APOB: variants seen among roughly 807,000 people sequenced by gnomAD.
APOB encodes the protein apolipoprotein B, also known as apolipoprotein B-100.
In APOB, 153 loss-of-function variants were observed where a neutral mutation model predicts 314.1. The ratio of observed to expected loss-of-function variants is 0.49; its 90% CI spans 0.43 to 0.56. The LOEUF (loss-of-function observed/expected upper bound fraction) is 0.56. Ranked by LOEUF, APOB falls within the 20% of genes least tolerant of loss-of-function variation. The pLI, the probability that APOB is intolerant of heterozygous loss-of-function variation, is 0.00. For missense variants in APOB, 5,430 were observed against 5,350.7 expected (o/e 1.01, Z -0.46); for synonymous variants, 2,087 against 2,036.4 (o/e 1.02, Z -0.67).
Position 21,013,317 on chromosome 2 carries a change from C to T in APOB, c.4059G>A (p.Leu1353=). The T allele has an allele frequency of 6.2e-7, 1 of 1,614,172 alleles. No homozygotes were observed. Among genetic ancestry groups the T allele is most frequent in the Non-Finnish European group, 8.5e-7 (1 of 1,180,042 alleles). ...PKLYQLQVPL[L]GVLDLSTNVY... ...CATTCGTGGAGAGGTCTAGAACACC[C>T]AGGAGAGGCACTTGCAGTTGATACA... Residue 1353 remains leucine (L), a synonymous_variant, in exon 25 of 29, where the codon CTG becomes CTA. Coordinates refer to ENST00000233242, the MANE Select transcript of APOB (RefSeq NM_000384.3).
chr2:21,023,689 C>T lies in APOB; in HGVS notation c.2440G>A (p.Gly814Arg). The change falls in exon 17 of 29, where the codon GGA becomes AGA. Residue 814 changes from glycine to arginine, a missense_variant. Around this residue, in one of 3 missense-constraint regions of APOB, gnomAD observed 2,085 missense variants for 2,079.7 expected, o/e 1.00. Coordinates refer to ENST00000233242, the MANE Select transcript of APOB (RefSeq NM_000384.3). ...RTLQGIPQMI[G>R]EVIRKGSKND... ...TTTGAGCCCTTCCTGATGACCTCTC[C>T]AATCTGTAGACCCAACAAGGGAGAG... is the stretch of plus-strand genomic sequence containing the variant. 1 of 1,609,146 alleles carries T rather than the reference C, an allele frequency of 6.2e-7. No homozygotes were observed. Among genetic ancestry groups the T allele is most frequent in the Non-Finnish European group, 8.5e-7 (1 of 1,176,244 alleles).
In APOB at chr2:21,012,616, ACGTATT is replaced by A. The variant is rs767878127; in HGVS notation, c.4246_4251del (p.Asn1416_Thr1417del). 1.2e-5 allele frequency: 19 copies of A among 1,612,638 alleles called. No homozygotes were observed. Among genetic ancestry groups the A allele is most frequent in the Non-Finnish European group, 1.6e-5 (19 of 1,179,126 alleles). On this transcript the variant is annotated inframe_deletion, in exon 26 of 29. Coordinates refer to ENST00000233242, the MANE Select transcript of APOB (RefSeq NM_000384.3). ...AGAGACCCATCACATGATAGTGTGA[ACGTATT>A]CTTGTGGTCATATGTTGTTTCTCCA...
chr2:21,027,803 A>C (rs1343357114), intron 14 of APOB, 25 bp downstream of exon 14: 1 of 1,564,210 alleles, frequency 6.4e-7, no homozygotes. Context: ...AATGGGCTAG[A>C]GAACCTCAAA....
rs1663553610 is a variant in APOB at position 21,019,722 on chromosome 2, C to T, written c.2999+1G>A. 6.2e-7 allele frequency: 1 copy of T among 1,614,064 alleles called. No homozygotes were observed. Among genetic ancestry groups the T allele is most frequent in the Non-Finnish European group, 8.5e-7 (1 of 1,180,002 alleles). Reference sequence around the variant, plus strand: ...TGGGTCAGGCACTGAGCATCTCTAACCTGGTGTCCCCGGTCAGCGGATAGT... The same window carrying T: ...TGGGTCAGGCACTGAGCATCTCTAATCTGGTGTCCCCGGTCAGCGGATAGT... On this transcript the variant is annotated splice_donor_variant, in intron 19 of 28. Coordinates refer to ENST00000233242, the MANE Select transcript of APOB (RefSeq NM_000384.3). LOFTEE classifies it high-confidence loss of function.
In APOB at chr2:21,023,692, T is replaced by A. The variant is rs1439645172; in HGVS notation, c.2437A>T (p.Ile813Phe). Residue 813 changes from isoleucine to phenylalanine, a missense_variant and splice_region_variant, in exon 17 of 29, where the codon ATT (isoleucine) becomes TTT (phenylalanine). This residue lies in a region of APOB where 2,085 missense variants were observed against 2,079.7 expected (regional missense o/e 1.00). Transcript: ENST00000233242. ...GAGCCCTTCCTGATGACCTCTCCAA[T>A]CTGTAGACCCAACAAGGGAGAGCAA... is the stretch of plus-strand genomic sequence containing the variant. The part of the protein sequence containing the change: ...ARTLQGIPQM[I>F]GEVIRKGSKN... 6.2e-7 allele frequency: 1 copy of A among 1,604,078 alleles called. No homozygotes were observed. The highest frequency in any genetic ancestry group is 1.7e-5 in the Admixed American group (1 of 59,056).
In APOB at chr2:21,026,902, A is replaced by G; in HGVS notation, c.2130T>C (p.Phe710=). Residue 710 remains phenylalanine (F), a synonymous_variant, in exon 15 of 29, where the codon TTT becomes TTC. Transcript: ENST00000233242. The part of the protein sequence containing the change: ...TLEALFGKQG[F]FPDSVNKALY... Reference sequence around the variant, plus strand: ...AAGCTTTGTTGACACTGTCTGGGAAAAATCCTTGCTTCCCAAAAAGAGCTT... The same window carrying G: ...AAGCTTTGTTGACACTGTCTGGGAAGAATCCTTGCTTCCCAAAAAGAGCTT... 6.2e-7 allele frequency: 1 copy of G among 1,614,186 alleles called. No individual in the cohort carries two copies. The highest frequency in any genetic ancestry group is 8.5e-7 in the Non-Finnish European group (1 of 1,180,024).
rs560928668 is a variant in APOB at position 21,007,416 on chromosome 2, G to C, written c.9452C>G (p.Ser3151Cys). 2.5e-6 allele frequency: 4 copies of C among 1,613,952 alleles called. No individual in the cohort carries two copies. The highest frequency in any genetic ancestry group is 1.7e-5 in the Admixed American group (1 of 59,996). Reference sequence around the variant, plus strand: ...CTTCAAGCCTGTTTTTTCCCATAGAGAGAAATCTTTCAGTGGAGGAGTTGT... The same window carrying C: ...CTTCAAGCCTGTTTTTTCCCATAGACAGAAATCTTTCAGTGGAGGAGTTGT... ...IITTPPLKDF[S>C]LWEKTGLKEF... The change falls in exon 26 of 29, where the codon TCT becomes TGT. Residue 3151 changes from serine to cysteine, a missense_variant. Ser to Cys is a moderately radical substitution (Grantham distance 112). Around this residue, in one of 3 missense-constraint regions of APOB, gnomAD observed 3,281 missense variants for 3,171.0 expected, o/e 1.03. Coordinates refer to ENST00000233242, the MANE Select transcript of APOB (RefSeq NM_000384.3).
intron 3 of APOB, among the ~76,000 whole-genome samples, 168 bp from the exon 4 acceptor site, chr2:21,041,251 C>T (rs1664126384): frequency 6.6e-6 from 1 of 152,246 alleles, no homozygotes; most frequent in Non-Finnish European, 1.5e-5. Context: ...CCTGGGTTCT[C>T]TGTGCACCAA....
Position 21,010,928 on chromosome 2 carries a change from G to A in APOB, c.5940C>T (p.Thr1980=). The A allele has an allele frequency of 1.2e-6, 2 of 1,614,084 alleles. No individual in the cohort carries two copies. Among genetic ancestry groups the A allele is most frequent in the Non-Finnish European group, 1.7e-6 (2 of 1,179,988 alleles). Residue 1980 remains threonine (T), a synonymous_variant, in exon 26 of 29, where the codon ACC becomes ACT. Coordinates refer to ENST00000233242, the MANE Select transcript of APOB (RefSeq NM_000384.3). ...ALLTPAEQTG[T]WKLKTQFNNN... ...TGTTAAATTGGGTCTTGAGTTTCCA[G>A]GTGCCTGTCTGCTCAGCTGGAGTAA...
chr2:21,012,484 C>A lies in APOB; in HGVS notation c.4384G>T (p.Gly1462Ter). ...LLIFDASSSWGPQMSASVHLD... is the reference protein window; with the variant it reads ...LLIFDASSSW ...TGAACTGAAGCAGACATCTGTGGTC[C>A]CCAGGAACTAGATGCATCGAATATT... The change falls in exon 26 of 29, where the codon GGA (glycine) becomes TGA (stop). Residue 1462 changes from glycine to a stop codon, truncating the protein, a stop_gained. Coordinates refer to ENST00000233242, the MANE Select transcript of APOB (RefSeq NM_000384.3). LOFTEE classifies it high-confidence loss of function. 1 of 1,614,100 alleles carries A rather than the reference C, an allele frequency of 6.2e-7. No homozygotes were observed. Among genetic ancestry groups the A allele is most frequent in the Non-Finnish European group, 8.5e-7 (1 of 1,179,996 alleles).
chr2:21,019,035 G>A lies in APOB; in HGVS notation c.3078C>T (p.Asp1026=). 1 of 1,614,024 alleles carries A rather than the reference G, an allele frequency of 6.2e-7. No individual in the cohort carries two copies. The highest frequency in any genetic ancestry group is 8.5e-7 in the Non-Finnish European group (1 of 1,180,020). ...ACTTCAGGGTATCCACCAAGGCTCT[G>A]TCCTCTCTCTGGAGCTCATAGGTTG... The part of the protein sequence containing the change: ...VSATYELQRE[D]RALVDTLKFV... The change falls in exon 20 of 29, where the codon GAC becomes GAT. Residue 1026 remains aspartate (D), a synonymous_variant. Transcript: ENST00000233242.
intron 20 of APOB, 74 bp from the exon 21 acceptor site, chr2:21,016,723 A>G (rs12713870): frequency 0.025 from 24,266 of 960,556 alleles, 433 homozygotes; most frequent in Non-Finnish European, 0.033. Flanking sequence ...GGTGGCTCAC[A>G]CCTGTAATCC....
rs139857991 is a variant in APOB, at chr2:21,016,592, A to G, written c.3179T>C (p.Leu1060Ser). The G allele has an allele frequency of 4.3e-6, 7 of 1,612,540 alleles. No homozygotes were observed. The African/African-American group carries it at 6.7e-5, about 15-fold the overall frequency. The change falls in exon 21 of 29, where the codon TTG (leucine) becomes TCG (serine). Residue 1060 changes from leucine to serine, a missense_variant. Transcript: ENST00000233242. ...ATCCGGAATTTGGACTTCACTGGAC[A>G]AGGTCATACTCTGCCGATTATATTT... ...TFKYNRQSMT[L>S]SSEVQIPDFD...
intron 27 of APOB, 26 bp downstream of exon 27, chr2:21,004,535 G>T: frequency 6.2e-7 from 1 of 1,611,924 alleles, no homozygotes; most frequent in Non-Finnish European, 8.5e-7. Context: ...AAGGTATAAG[G>T]TTTCAATTCA....
chr2:21,013,348 G>A lies in APOB; in HGVS notation c.4028C>T (p.Pro1343Leu), dbSNP rs1018683225. The change falls in exon 25 of 29, where the codon CCC becomes CTC. Residue 1343 changes from proline to leucine, a missense_variant. Around this residue, in one of 3 missense-constraint regions of APOB, gnomAD observed 2,085 missense variants for 2,079.7 expected, o/e 1.00. Coordinates refer to ENST00000233242, the MANE Select transcript of APOB (RefSeq NM_000384.3). ...AGGCACTTGCAGTTGATACAACTTGGGAATGGTAAAAGTAGGGACTTGGAA... is the reference window on the plus strand; with the variant it reads ...AGGCACTTGCAGTTGATACAACTTGAGAATGGTAAAAGTAGGGACTTGGAA... ...REFQVPTFTI[P>L]KLYQLQVPLL... is the part of the protein sequence containing the mutation. 7 of 1,614,188 alleles carry A rather than the reference G, an allele frequency of 4.3e-6. No individual in the cohort carries two copies. Among genetic ancestry groups the A allele is most frequent in the Non-Finnish European group, 5.9e-6 (7 of 1,180,030 alleles).
In APOB at chr2:21,005,795, A is replaced by C; in HGVS notation, c.11073T>G (p.Asp3691Glu). The C allele has an allele frequency of 6.2e-7, 1 of 1,614,062 alleles. No homozygotes were observed. The highest frequency in any genetic ancestry group is 8.5e-7 in the Non-Finnish European group (1 of 1,179,974). Residue 3691 changes from aspartate (D) to glutamate (E), a missense_variant, in exon 26 of 29, where the codon GAT (aspartate) becomes GAG (glutamate). Coordinates refer to ENST00000233242, the MANE Select transcript of APOB (RefSeq NM_000384.3). ...DKSLWDFLKL[D>E]VTTSIGRRQH... ...GTCTCCTACCAATGCTGGTGGTTAC[A>C]TCCAGCTTTAGGAAATCCCATAAGC...
In APOB at chr2:21,002,835, A is replaced by T. The variant is rs766535406; in HGVS notation, c.12587T>A (p.Phe4196Tyr). The T allele has an allele frequency of 1.2e-5, 19 of 1,612,574 alleles. No homozygotes were observed. In the South Asian group the frequency reaches 2.0e-4, roughly 17 times the overall value. Reference protein sequence around the residue: ...VKHLIDSLIDFLNFPRFQFPG... With the variant: ...VKHLIDSLIDYLNFPRFQFPG... ...AAACTGGAATCTGGGGAAGTTCAGA[A>T]AATCAATGAGTGAGTCAATCAGATG... is the stretch of plus-strand genomic sequence containing the variant. Residue 4196 changes from phenylalanine (F) to tyrosine (Y), a missense_variant, in exon 29 of 29, where the codon TTT becomes TAT. Physicochemically the swap from Phe to Tyr is conservative, Grantham distance 22 (BLOSUM62 3). Around this residue, in one of 3 missense-constraint regions of APOB, gnomAD observed 3,281 missense variants for 3,171.0 expected, o/e 1.03. Coordinates refer to ENST00000233242, the MANE Select transcript of APOB (RefSeq NM_000384.3).
At position 21,015,256 on chromosome 2, in the gene APOB, T is replaced by C; in HGVS notation, c.3513A>G (p.Glu1171=). ...VSKRVAWHYD[E]EKIEFEWNTG... is the part of the protein sequence containing the mutation. Reference sequence around the variant, plus strand: ...TGTTCCATTCAAATTCAATCTTCTCTTCATCTGAAAATACGTAGGAAATAG... The same window carrying C: ...TGTTCCATTCAAATTCAATCTTCTCCTCATCTGAAAATACGTAGGAAATAG... The change falls in exon 23 of 29, where the codon GAA becomes GAG. Residue 1171 remains glutamate, a synonymous_variant. Transcript: ENST00000233242. 6.2e-7 allele frequency: 1 copy of C among 1,614,166 alleles called. No homozygotes were observed. The highest frequency in any genetic ancestry group is 1.1e-5 in the South Asian group (1 of 91,076).
chr2:21,025,029 C>A lies in APOB; in HGVS notation c.2340G>T (p.Leu780Phe). The change falls in exon 16 of 29, where the codon TTG becomes TTT. Residue 780 changes from leucine (L) to phenylalanine (F), a missense_variant. By Grantham distance (22) the Leu-to-Phe change is conservative. Around this residue, in one of 3 missense-constraint regions of APOB, gnomAD observed 2,085 missense variants for 2,079.7 expected, o/e 1.00. Coordinates refer to ENST00000233242, the MANE Select transcript of APOB (RefSeq NM_000384.3). ...GACTGGCAAAACCAAGCTCCTCTCC[C>A]AAGATGCGGAGGTAGGCTCTGGCTT... Reference protein sequence around the residue: ...VPEARAYLRILGEELGFASLH... With the variant: ...VPEARAYLRIFGEELGFASLH... 6.2e-7 allele frequency: 1 copy of A among 1,614,240 alleles called. No individual in the cohort carries two copies.
Sources: gnomAD v4.1 joint callset for allele counts (sites outside exome capture counted in the v4.1 genomes callset) on GRCh38, gnomAD v4.1.1 for gene constraint, gnomAD v4.1.1 regional missense constraint, MANE v1.5 for transcripts, NCBI Gene and HGNC (gene_info 2026-07-23, HGNC 2026-07-21) for gene names.